STK31: variants seen among roughly 807,000 people sequenced by gnomAD.
STK31 encodes the protein serine/threonine-protein kinase 31.
In STK31, 89 loss-of-function variants were observed where a neutral mutation model predicts 129.7. That is an observed-to-expected ratio of 0.69 (90% CI 0.58 to 0.82). The LOEUF (loss-of-function observed/expected upper bound fraction) is 0.82. Among genes scored for constraint, STK31 ranks in the 40% least tolerant of loss-of-function variants. STK31 has a pLI of 0.00. For missense variants in STK31, 1,187 were observed against 1,176.4 expected, an observed-to-expected ratio of 1.01 and a Z score of -0.13; for synonymous variants, 448 against 395.3, an observed-to-expected ratio of 1.13 and a Z score of -1.58.
chr7:23,725,979 C>G (rs546033029), intron 4 of STK31: 36 of 152,192 alleles, frequency 2.4e-4, no homozygotes, highest in African/African-American at 8.7e-4. Context: ...GTGCCAGGCT[C>G]TTTTCAACAA....
intron 8 of STK31, among the ~76,000 whole-genome samples, chr7:23,748,627 G>A (rs910392024): frequency 2.6e-5 from 4 of 152,166 alleles, no homozygotes; most frequent in Admixed American, 6.5e-5. Flanking sequence ...ATGTGAAGAT[G>A]AGGGAGGATG....
chr7:23,754,413 T>G lies in STK31; in HGVS notation c.1232T>G (p.Leu411Ter). ...CFTTPASLNGLEIIWAEYSLA... is the reference protein window; with the variant it reads ...CFTTPASLNG ...ACTACTCCAGCTTCTTTGAATGGAT[T>G]AGAGATAATATGGGCAGAATACAGT... is the stretch of plus-strand genomic sequence containing the variant. Residue 411 changes from leucine (L) to a stop codon, truncating the protein, a stop_gained, in exon 10 of 24, where the codon TTA (leucine) becomes TGA (stop). Transcript: ENST00000355870. LOFTEE classifies it high-confidence loss of function. The G allele has an allele frequency of 6.2e-7, 1 of 1,613,994 alleles. No individual in the cohort carries two copies. The highest frequency in any genetic ancestry group is 2.2e-5 in the East Asian group (1 of 44,872).
In STK31 at chr7:23,769,032, C is replaced by A; in HGVS notation, c.1454C>A (p.Ala485Asp). Residue 485 changes from alanine (A) to aspartate (D), a missense_variant, in exon 12 of 24, where the codon GCC (alanine) becomes GAC (aspartate). Coordinates refer to ENST00000355870, the MANE Select transcript of STK31 (RefSeq NM_031414.5). ...SVSLEAVYGQAKEGANSDEIL... is the reference protein window; with the variant it reads ...SVSLEAVYGQDKEGANSDEIL... Reference sequence around the variant, plus strand: ...TCTTTAGAAGCAGTGTATGGACAAGCCAAAGAAGGAGCAAATTCTGATGAA... The same window carrying A: ...TCTTTAGAAGCAGTGTATGGACAAGACAAAGAAGGAGCAAATTCTGATGAA... 6.2e-7 allele frequency: 1 copy of A among 1,611,606 alleles called. No individual in the cohort carries two copies. Among genetic ancestry groups the A allele is most frequent in the Non-Finnish European group, 8.5e-7 (1 of 1,178,744 alleles).
intron 23 of STK31, among the ~76,000 whole-genome samples, chr7:23,823,231 T>A (rs1309039287): frequency 6.6e-6 from 1 of 152,192 alleles, no homozygotes; most frequent in Non-Finnish European, 1.5e-5. Context: ...AAAGTGTTCC[T>A]GTTTCTCCAC....
At chr7:23,745,193 G>A (rs947523437) in intron 8 of STK31, among the ~76,000 whole-genome samples, 2 of 152,102 alleles carry the variant, frequency 1.3e-5, no homozygotes. Flanking sequence ...TGGGAGGAGT[G>A]TTGAGGTACC....
At chr7:23,787,180 T>C (rs1791337459) in intron 20 of STK31, among the ~76,000 whole-genome samples, 2 of 152,174 alleles carry the variant, frequency 1.3e-5, no homozygotes, top group Admixed American at 1.3e-4. Flanking sequence ...TCTTTCTGGT[T>C]CCAAAGCCCA....
intron 7 of STK31, among the ~76,000 whole-genome samples, chr7:23,736,341 T>G (rs1270280578): frequency 6.6e-6 from 1 of 152,170 alleles, no homozygotes; most frequent in Non-Finnish European, 1.5e-5. Context: ...TGATGGAGTT[T>G]GATTATTCCG....
In STK31 at chr7:23,735,723, A is replaced by T; in HGVS notation, c.669A>T (p.Glu223Asp). 6.2e-7 allele frequency: 1 copy of T among 1,614,082 alleles called. No homozygotes were observed. The highest frequency in any genetic ancestry group is 1.1e-5 in the South Asian group (1 of 91,072). ...CTTCCAGAACTGACATCTGTGAGGA[A>T]AAAAAATTGGATCCTGGTCAACTTG... Reference protein sequence around the residue: ...RLASRTDICEEKKLDPGQLVL... With the variant: ...RLASRTDICEDKKLDPGQLVL... The change falls in exon 7 of 24, where the codon GAA (glutamate) becomes GAT (aspartate). Residue 223 changes from glutamate to aspartate, a missense_variant. Coordinates refer to ENST00000355870, the MANE Select transcript of STK31 (RefSeq NM_031414.5).
chr7:23,763,018 A>T, intron 11 of STK31, 95 bp downstream of exon 11: 1 of 1,136,568 alleles, frequency 8.8e-7, no homozygotes, highest in Non-Finnish European at 1.2e-6. Context: ...TTGTTCTGTG[A>T]TGGTTGCAAA....
intron 3 of STK31, among the ~76,000 whole-genome samples, chr7:23,713,874 A>G (rs2128059740): frequency 6.6e-6 from 1 of 152,184 alleles, no homozygotes; most frequent in South Asian, 2.1e-4. Context: ...AAAAAAAAAT[A>G]TATATATACA....
chr7:23,733,112 G>A (rs1376216155), intron 6 of STK31, among the ~76,000 whole-genome samples: 1 of 151,918 alleles, frequency 6.6e-6, no homozygotes, highest in African/African-American at 2.4e-5. Flanking sequence ...TATAATGTGT[G>A]TATTTCTGAA....
chr7:23,714,570 A>G (rs966274374), intron 3 of STK31, among the ~76,000 whole-genome samples: 3 of 152,248 alleles, frequency 2.0e-5, no homozygotes, highest in African/African-American at 7.2e-5. Flanking sequence ...TATAATTAGC[A>G]TAAAAATGTG....
Position 23,729,201 on chromosome 7 carries a change from T to C in STK31, c.435T>C (p.Leu145=). Residue 145 remains leucine (L), a synonymous_variant, in exon 6 of 24, where the codon CTT becomes CTC. Transcript: ENST00000355870. ...CTAGTGTTGCCAAAAAGTATAAACT[T>C]TGGGGACTACACATTCCTTCTGATC... ...QFSSVAKKYK[L]WGLHIPSDQE... 6.2e-7 allele frequency: 1 copy of C among 1,611,626 alleles called. No individual in the cohort carries two copies. The highest frequency in any genetic ancestry group is 8.5e-7 in the Non-Finnish European group (1 of 1,179,538).
rs1791317858 is a variant in STK31, at chr7:23,786,893, C to T, written c.2456C>T (p.Ala819Val). 6.2e-7 allele frequency: 1 copy of T among 1,613,888 alleles called. No homozygotes were observed. Residue 819 changes from alanine (A) to valine (V), a missense_variant, in exon 20 of 24, where the codon GCT becomes GTT. By Grantham distance (64) the Ala-to-Val change is moderately conservative. This residue lies in a region of STK31 where 975 missense variants were observed against 934.9 expected (regional missense o/e 1.04). Transcript: ENST00000355870. ...TACTACCCTAGGGCAAACCTGAATGCTGTTCAAGCCAACATGCCTTTAAAT... is the reference window on the plus strand; with the variant it reads ...TACTACCCTAGGGCAAACCTGAATGTTGTTCAAGCCAACATGCCTTTAAAT... ...VPYYPRANLN[A>V]VQANMPLNSE...
chr7:23,774,226 G>A (rs894775414), intron 15 of STK31, among the ~76,000 whole-genome samples: 4 of 152,154 alleles, frequency 2.6e-5, no homozygotes, highest in Non-Finnish European at 5.9e-5. Context: ...ATTGTGAATA[G>A]TGCCACACTA....
intron 23 of STK31, among the ~76,000 whole-genome samples, chr7:23,824,746 C>T (rs28837693): frequency 1.3e-5 from 2 of 151,662 alleles, no homozygotes; most frequent in Non-Finnish European, 2.9e-5. Flanking sequence ...GTCATAGATA[C>T]CTCTTATTAT....
chr7:23,717,096 G>GTTTT (rs1584317515), intron 3 of STK31, among the ~76,000 whole-genome samples: 1 of 41,900 alleles, frequency 2.4e-5, no homozygotes, highest in African/African-American at 1.2e-4. Context: ...ATCGCAACCT[G>GTTTT]CTTTTTTTTT....
Position 23,716,859 on chromosome 7 carries a change from C to CAG in STK31, c.151-622_151-621insAG, listed in dbSNP as rs1445924618. Among the ~76,000 whole-genome samples, 41 of 145,004 alleles carry CAG rather than the reference C, an allele frequency of 2.8e-4. 1 individual carries two copies. The highest frequency in any genetic ancestry group is 6.4e-4 in the Admixed American group (9 of 14,072). On this transcript the variant is annotated intron_variant, in intron 3 of 23. Coordinates refer to ENST00000355870, the MANE Select transcript of STK31 (RefSeq NM_031414.5). ...ACCAAGGCTAGAGTGCAGTAGTGTGCTCATGGCTCATTGCAGTCTCGAACT... is the reference window on the plus strand; with the variant it reads ...ACCAAGGCTAGAGTGCAGTAGTGTGCAGTCATGGCTCATTGCAGTCTCGAACT...
chr7:23,781,428 C>G lies in STK31; in HGVS notation c.1975C>G (p.Pro659Ala), dbSNP rs762017199. 6.2e-7 allele frequency: 1 copy of G among 1,608,800 alleles called. No homozygotes were observed. Among genetic ancestry groups the G allele is most frequent in the Non-Finnish European group, 8.5e-7 (1 of 1,178,136 alleles). Residue 659 changes from proline (P) to alanine (A), a missense_variant, in exon 16 of 24, where the codon CCT becomes GCT. Pro to Ala is a conservative substitution (Grantham distance 27). Coordinates refer to ENST00000355870, the MANE Select transcript of STK31 (RefSeq NM_031414.5). ...TTCTTTCTGATTCAAGTCAGATGATCCTGATGGCTCTCAAATTGAGAAAAT... is the reference window on the plus strand; with the variant it reads ...TTCTTTCTGATTCAAGTCAGATGATGCTGATGGCTCTCAAATTGAGAAAAT... ...EKSNLEESDD[P>A]DGSQIEKIKE...
Sources: gnomAD v4.1 joint callset for allele counts (sites outside exome capture counted in the v4.1 genomes callset) on GRCh38, gnomAD v4.1.1 for gene constraint, gnomAD v4.1.1 regional missense constraint, MANE v1.5 for transcripts, NCBI Gene and HGNC (gene_info 2026-07-23, HGNC 2026-07-21) for gene names.